Variants in TRAPPC9 observed in about 807,000 individuals in gnomAD.
TRAPPC9 encodes the protein trafficking protein particle complex subunit 9.
Under a neutral mutation model 124.0 loss-of-function variants are expected in TRAPPC9, and 83 were observed. That is an observed-to-expected ratio of 0.67 (90% CI 0.56 to 0.80). The LOEUF (loss-of-function observed/expected upper bound fraction) is 0.80. TRAPPC9 is among the 30% of genes least tolerant of loss of function. The probability of loss-of-function intolerance (pLI) is 0.00; values close to 1 mark genes in which losing one functional copy is unlikely to be tolerated. For synonymous variants in TRAPPC9, 638 were observed against 617.5 expected (o/e 1.03, Z -0.49); for missense variants, 1,302 against 1,508.3 (o/e 0.86, Z 2.27).
chr8:140,424,913 A>G (rs2070368291), intron 5 of TRAPPC9, among the ~76,000 whole-genome samples: 1 of 152,204 alleles, frequency 6.6e-6, no homozygotes, highest in Non-Finnish European at 1.5e-5. Flanking sequence ...TTAAAACTCA[A>G]AAATCAAATG....
chr8:140,211,254 A>T (rs2063055287), intron 17 of TRAPPC9, among the ~76,000 whole-genome samples: 1 of 152,002 alleles, frequency 6.6e-6, no homozygotes, highest in African/African-American at 2.4e-5. Context: ...AAAAAAAAGT[A>T]TTTTTTTTAA....
intron 9 of TRAPPC9, among the ~76,000 whole-genome samples, chr8:140,356,628 T>G (rs2067758391): frequency 6.6e-6 from 1 of 152,016 alleles, no homozygotes; most frequent in Non-Finnish European, 1.5e-5. Context: ...TGCTTTTTTT[T>G]TTTTTTTGAG....
At chr8:139,890,706 C>T (rs993368611) in intron 20 of TRAPPC9, among the ~76,000 whole-genome samples, 4 of 152,106 alleles carry the variant, frequency 2.6e-5, no homozygotes, top group African/African-American at 9.7e-5. Context: ...CTAGTTCAGG[C>T]GATTCAGGCC....
chr8:140,274,660 C>A (rs1050756580), intron 15 of TRAPPC9, among the ~76,000 whole-genome samples: 1 of 152,214 alleles, frequency 6.6e-6, no homozygotes, highest in African/African-American at 2.4e-5. Context: ...TCTTTGCCTG[C>A]AAATTCTCCC....
intron 19 of TRAPPC9, among the ~76,000 whole-genome samples, chr8:139,922,897 C>T (rs79756285): frequency 1.9e-3 from 285 of 152,284 alleles, no homozygotes; most frequent in African/African-American, 6.6e-3. Flanking sequence ...ACTTTTGCTC[C>T]TGGTATGTCA....
At chr8:139,823,554 G>A (rs1825401298) in intron 21 of TRAPPC9, among the ~76,000 whole-genome samples, 1 of 152,216 alleles carries the variant, frequency 6.6e-6, no homozygotes, top group Non-Finnish European at 1.5e-5. Context: ...ACCCAGACCA[G>A]CAGATGCCCC....
intron 19 of TRAPPC9, among the ~76,000 whole-genome samples, chr8:139,941,931 G>A (rs955763645): frequency 6.6e-6 from 1 of 152,202 alleles, no homozygotes; most frequent in Admixed American, 6.5e-5. Flanking sequence ...GGAGGGTCCT[G>A]CAGATCGGTG....
At chr8:139,822,523 G>A (rs988606271) in intron 21 of TRAPPC9, among the ~76,000 whole-genome samples, 4 of 152,158 alleles carry the variant, frequency 2.6e-5, no homozygotes, top group Non-Finnish European at 5.9e-5. Context: ...CTATTGTGCG[G>A]TTGAAAAGAG....
intron 4 of TRAPPC9, among the ~76,000 whole-genome samples, chr8:140,434,317 TCAAGGAC>T (rs1320373342): frequency 6.6e-6 from 1 of 152,216 alleles, no homozygotes; most frequent in Non-Finnish European, 1.5e-5. Context: ...GGTTCATTCA[TCAAGGAC>T]CAAAACGTTC....
intron 2 of TRAPPC9, among the ~76,000 whole-genome samples, chr8:140,444,828 A>C (rs1356746399): frequency 1.4e-5 from 2 of 147,480 alleles, no homozygotes; most frequent in Non-Finnish European, 3.0e-5. Context: ...GTACCACTGC[A>C]TTCCAGCACG....
chr8:140,077,674 C>T (rs1300949837), intron 17 of TRAPPC9, among the ~76,000 whole-genome samples: 8 of 152,240 alleles, frequency 5.3e-5, no homozygotes, highest in Admixed American at 4.6e-4. Context: ...GGGAGAGGAC[C>T]CTTCCCACTG....
intron 17 of TRAPPC9, among the ~76,000 whole-genome samples, chr8:140,045,750 CCA>C (rs1341069520): frequency 6.6e-6 from 1 of 151,322 alleles, no homozygotes; most frequent in Non-Finnish European, 1.5e-5. Context: ...GAGATGAAAC[CCA>C]CAGTGTCCAA....
At chr8:139,911,613 G>A (rs1406583321) in intron 19 of TRAPPC9, among the ~76,000 whole-genome samples, 1 of 152,022 alleles carries the variant, frequency 6.6e-6, no homozygotes, top group Non-Finnish European at 1.5e-5. Context: ...GCTGAGTCAG[G>A]AGAATTGCCT....
intron 21 of TRAPPC9, among the ~76,000 whole-genome samples, chr8:139,738,214 C>T (rs1416594687): frequency 6.6e-6 from 1 of 152,148 alleles, no homozygotes; most frequent in Non-Finnish European, 1.5e-5. Flanking sequence ...CACGGCAGCC[C>T]GTGGTAGGGG....
intron 4 of TRAPPC9, among the ~76,000 whole-genome samples, chr8:140,428,962 T>C (rs547035055): frequency 6.6e-6 from 1 of 152,314 alleles, no homozygotes; most frequent in East Asian, 1.9e-4. Context: ...ACCCCCTGAC[T>C]GATGTATAGA....
chr8:140,107,994 C>G (rs755551379), intron 17 of TRAPPC9, among the ~76,000 whole-genome samples: 1 of 151,842 alleles, frequency 6.6e-6, no homozygotes, highest in Non-Finnish European at 1.5e-5. Flanking sequence ...CAGACAGACA[C>G]GCACACATAT....
intron 21 of TRAPPC9, among the ~76,000 whole-genome samples, chr8:139,866,276 G>A (rs1247211625): frequency 1.3e-5 from 2 of 152,242 alleles, no homozygotes; most frequent in African/African-American, 4.8e-5. Flanking sequence ...CACGTCCCAT[G>A]ATGGCCTGAA....
At chr8:140,359,818 G>A (rs556774305) in intron 9 of TRAPPC9, among the ~76,000 whole-genome samples, 3 of 152,252 alleles carry the variant, frequency 2.0e-5, no homozygotes, top group South Asian at 4.1e-4. Flanking sequence ...TGTGGCGGCC[G>A]AGGAGCAGGA....
intron 1 of TRAPPC9, chr8:140,456,907 C>A: frequency 1.1e-6 from 1 of 906,612 alleles, no homozygotes; most frequent in Non-Finnish European, 1.3e-6. Context: ...CAGACATTCA[C>A]GTTGGGAAGG....
Sources: allele counts gnomAD v4.1 joint callset (sites outside exome capture counted in the v4.1 genomes callset), GRCh38; gene constraint gnomAD v4.1.1; transcripts MANE v1.5; gene names NCBI Gene and HGNC (gene_info 2026-07-23, HGNC 2026-07-21).